The following ST6GAL1 variants were observed in gnomAD, a reference collection of about 807,000 sequenced individuals.
ST6GAL1 encodes the protein ST6 beta-galactoside alpha-2,6-sialyltransferase 1, also known as beta-galactoside alpha-2,6-sialyltransferase 1.
Under a neutral mutation model 38.0 loss-of-function variants are expected in ST6GAL1, and 20 were observed. The observed-to-expected ratio is 0.53, with a 90% CI of 0.37 to 0.77. The LOEUF (loss-of-function observed/expected upper bound fraction) is 0.77. Among genes scored for constraint, ST6GAL1 ranks in the 30% least tolerant of loss-of-function variants. The pLI is 0.00. For missense variants in ST6GAL1, 432 were observed against 496.4 expected, an observed-to-expected ratio of 0.87 and a Z score of 1.23; for synonymous variants, 196 against 188.2, an observed-to-expected ratio of 1.04 and a Z score of -0.34.
At chr3:186,961,497 G>A (rs560893557) in intron 1 of ST6GAL1, among the ~76,000 whole-genome samples, 1 of 152,166 alleles carries the variant, frequency 6.6e-6, no homozygotes, top group Non-Finnish European at 1.5e-5. Flanking sequence ...GAGCAAGTGG[G>A]GTAGGGGCAG....
chr3:186,999,455 A>G (rs1292517287), intron 2 of ST6GAL1, among the ~76,000 whole-genome samples: 1 of 141,910 alleles, frequency 7.0e-6, no homozygotes, highest in African/African-American at 2.6e-5. Context: ...TCCGTAGCCC[A>G]GACTGGAGTG....
At chr3:187,040,429 A>G (rs557284239) in intron 3 of ST6GAL1, among the ~76,000 whole-genome samples, 1 of 152,334 alleles carries the variant, frequency 6.6e-6, no homozygotes, top group East Asian at 1.9e-4. Flanking sequence ...CCTTGGGTGG[A>G]AAGATGATGA....
chr3:186,969,657 T>C (rs1469539552), intron 2 of ST6GAL1, among the ~76,000 whole-genome samples: 9 of 152,234 alleles, frequency 5.9e-5, no homozygotes, highest in African/African-American at 9.6e-5. Flanking sequence ...AGTAAGCTAA[T>C]TATTGCAATT....
At chr3:186,980,443 A>G (rs528742988) in intron 2 of ST6GAL1, among the ~76,000 whole-genome samples, 91 of 152,274 alleles carry the variant, frequency 6.0e-4, no homozygotes, top group African/African-American at 2.2e-3. Flanking sequence ...TAAAAAGCTT[A>G]TTAGTCCTGA....
intron 1 of ST6GAL1, among the ~76,000 whole-genome samples, chr3:186,951,614 C>G (rs1324620228): frequency 6.6e-6 from 1 of 152,188 alleles, no homozygotes; most frequent in African/African-American, 2.4e-5. Flanking sequence ...ATTCCTCTGT[C>G]ATCTAGATGA....
At chr3:186,953,570 C>T (rs1027219203) in intron 1 of ST6GAL1, among the ~76,000 whole-genome samples, 1 of 152,138 alleles carries the variant, frequency 6.6e-6, no homozygotes, top group Non-Finnish European at 1.5e-5. Flanking sequence ...TGTTCAATAG[C>T]GTAGGTGGCC....
intron 5 of ST6GAL1, among the ~76,000 whole-genome samples, chr3:187,062,634 G>C (rs1175004929): frequency 6.7e-6 from 1 of 148,488 alleles, no homozygotes; most frequent in Non-Finnish European, 1.5e-5. Context: ...GGTTGCCAGG[G>C]AATGTGAGGT....
intron 2 of ST6GAL1, among the ~76,000 whole-genome samples, chr3:187,013,512 T>TC (rs1717022368): frequency 6.6e-6 from 1 of 152,168 alleles, no homozygotes; most frequent in Non-Finnish European, 1.5e-5. Context: ...CCCACGAGGG[T>TC]CCCACGTTCC....
In ST6GAL1 at chr3:187,076,174, A is replaced by G. The variant is rs1719554411; in HGVS notation, c.*371A>G. On this transcript the variant is annotated 3_prime_UTR_variant, in exon 8 of 8. Transcript: ENST00000169298. ...TGCCATTCTCACAAACCAATGCTCT[A>G]TATTGCTTGAAGTCTGCATCTAAAT... is the stretch of plus-strand genomic sequence containing the variant. 4.5e-6 allele frequency: 1 copy of G among 220,308 alleles called. No homozygotes were observed. The highest frequency in any genetic ancestry group is 2.3e-5 in the African/African-American group (1 of 43,864). The allele number at this position is 220,308 out of a possible 1,614,324, so 13.6% of individuals were successfully genotyped here.
intron 2 of ST6GAL1, among the ~76,000 whole-genome samples, chr3:186,969,136 C>G (rs1332330357): frequency 6.9e-6 from 1 of 145,304 alleles, no homozygotes; most frequent in Non-Finnish European, 1.5e-5. Context: ...ACTGCAACCT[C>G]TGCCTCCGGG....
intron 2 of ST6GAL1, among the ~76,000 whole-genome samples, chr3:187,000,288 G>A (rs113622634): frequency 0.18 from 27,646 of 151,786 alleles, 2,567 homozygotes; most frequent in African/African-American, 0.2. Context: ...GGTGGCTCAC[G>A]TCTGTAATCT....
At chr3:186,965,024 G>T (rs554684436) in intron 2 of ST6GAL1, among the ~76,000 whole-genome samples, 2 of 152,326 alleles carry the variant, frequency 1.3e-5, no homozygotes, top group African/African-American at 4.8e-5. Flanking sequence ...GAGCCTCCCT[G>T]CCCCTGTAGA....
intron 5 of ST6GAL1, among the ~76,000 whole-genome samples, chr3:187,066,070 G>C (rs1719108093): frequency 6.6e-6 from 1 of 150,788 alleles, no homozygotes; most frequent in East Asian, 2.0e-4. Flanking sequence ...ATCTGGATGG[G>C]TTGGCAGGGC....
intron 2 of ST6GAL1, among the ~76,000 whole-genome samples, chr3:186,987,361 A>G (rs73888334): frequency 0.16 from 23,930 of 152,120 alleles, 1,973 homozygotes; most frequent in East Asian, 0.27. Context: ...AGTGAAGGGT[A>G]TTACATCAGT....
chr3:187,068,414 C>A (rs545223680), intron 5 of ST6GAL1, among the ~76,000 whole-genome samples: 1 of 151,656 alleles, frequency 6.6e-6, no homozygotes, highest in Non-Finnish European at 1.5e-5. Context: ...CTCTTACTTA[C>A]TGACTGTGTA....
At chr3:186,935,182 T>C (rs1168808869) in intron 1 of ST6GAL1, among the ~76,000 whole-genome samples, 4 of 152,028 alleles carry the variant, frequency 2.6e-5, no homozygotes, top group African/African-American at 9.7e-5. Context: ...AAGAAGGCCC[T>C]GGTGTCTGTC....
chr3:186,992,224 C>T (rs926097335), intron 2 of ST6GAL1, among the ~76,000 whole-genome samples: 3 of 152,048 alleles, frequency 2.0e-5, no homozygotes, highest in Non-Finnish European at 4.4e-5. Context: ...GGGGCTGTTT[C>T]CCCCATGCTG....
At chr3:187,073,142 C>T (rs767084286) in intron 6 of ST6GAL1, among the ~76,000 whole-genome samples, 195 bp downstream of exon 6, 28 of 152,190 alleles carry the variant, frequency 1.8e-4, no homozygotes, top group Non-Finnish European at 3.1e-4. Context: ...ACTCTCTTTG[C>T]CGTGCCAGCA....
intron 5 of ST6GAL1, among the ~76,000 whole-genome samples, chr3:187,069,182 T>C (rs1338187839): frequency 1.3e-5 from 2 of 151,980 alleles, no homozygotes; most frequent in East Asian, 3.9e-4. Context: ...GTCGCCAGGC[T>C]AGAGTGCAGT....
Sources: gnomAD v4.1 joint callset for allele counts (sites outside exome capture counted in the v4.1 genomes callset) on GRCh38, gnomAD v4.1.1 for gene constraint, MANE v1.5 for transcripts, NCBI Gene and HGNC (gene_info 2026-07-23, HGNC 2026-07-21) for gene names.